Variants in FBXW4 observed in about 807,000 individuals in gnomAD.
FBXW4 encodes F-box and WD repeat domain containing 4, also known as F-box/WD repeat-containing protein 4.
FBXW4 carries 40 observed loss-of-function variants against 61.8 expected under a neutral mutation model. The ratio of observed to expected loss-of-function variants is 0.65; its 90% CI spans 0.50 to 0.84. The LOEUF (loss-of-function observed/expected upper bound fraction) is 0.84. FBXW4 is among the 40% of genes least tolerant of loss of function. The pLI, the probability that FBXW4 is intolerant of heterozygous loss-of-function variation, is 0.00. For missense variants in FBXW4, 672 were observed against 753.8 expected (o/e 0.89, Z 1.27); for synonymous variants, 311 against 313.8 (o/e 0.99, Z 0.10).
Position 101,690,354 on chromosome 10 carries a change from G to A in FBXW4, c.725+4027C>T, listed in dbSNP as rs199537021. Among the ~76,000 whole-genome samples, 8 of 151,968 alleles carry A rather than the reference G, an allele frequency of 5.3e-5. No individual in the cohort carries two copies. The East Asian group carries it at 1.5e-3, about 29-fold the overall frequency. On this transcript the variant is annotated intron_variant, in intron 1 of 8. Coordinates refer to ENST00000331272, the MANE Select transcript of FBXW4 (RefSeq NM_022039.4). Reference sequence around the variant, plus strand: ...AGACTGCTATATGAAACATTTCTTTGATTTTTATTGTTATATTCAGGATAT... The same window carrying A: ...AGACTGCTATATGAAACATTTCTTTAATTTTTATTGTTATATTCAGGATAT...
chr10:101,657,494 TG>T (rs1431819789), intron 5 of FBXW4, among the ~76,000 whole-genome samples: 1 of 151,648 alleles, frequency 6.6e-6, no homozygotes, highest in African/African-American at 2.4e-5. Flanking sequence ...ATTAGCTGGG[TG>T]TGGTGATGCT....
chr10:101,634,563 A>G (rs971137621), intron 5 of FBXW4, among the ~76,000 whole-genome samples: 1 of 149,362 alleles, frequency 6.7e-6, no homozygotes, highest in Non-Finnish European at 1.5e-5. Context: ...AGATCAGTGG[A>G]TCAGAATAAC....
intron 2 of FBXW4, among the ~76,000 whole-genome samples, chr10:101,674,820 G>A (rs1216141334): frequency 6.6e-6 from 1 of 152,246 alleles, no homozygotes; most frequent in East Asian, 1.9e-4. Flanking sequence ...CTGTGGCAGG[G>A]AATGAGACTT....
At chr10:101,658,183 C>T (rs947250836) in intron 5 of FBXW4, among the ~76,000 whole-genome samples, 2 of 152,068 alleles carry the variant, frequency 1.3e-5, no homozygotes, top group East Asian at 1.9e-4. Flanking sequence ...CATGTACTGC[C>T]GCTTGGAAGT....
In FBXW4 at chr10:101,673,047, C is replaced by T. The variant is rs2134894324; in HGVS notation, c.1008G>A (p.Gly336=). ...TCTTATGAATGCCAATCTTCCCATC[C>T]CTAGGAGAGAAATAAGGAGCCGACC... ...LANSHIVSAG[G]DGKIGIHKIH... is the part of the protein sequence containing the mutation. Residue 336 remains glycine (G), a splice_region_variant and synonymous_variant, in exon 4 of 9, where the codon GGG becomes GGA. Coordinates refer to ENST00000331272, the MANE Select transcript of FBXW4 (RefSeq NM_022039.4). 1 of 1,613,666 alleles carries T rather than the reference C, an allele frequency of 6.2e-7. No individual in the cohort carries two copies. Among genetic ancestry groups the T allele is most frequent in the Non-Finnish European group, 8.5e-7 (1 of 1,179,914 alleles).
intron 5 of FBXW4, among the ~76,000 whole-genome samples, chr10:101,655,123 C>T (rs574152107): frequency 4.5e-4 from 68 of 152,172 alleles, no homozygotes; most frequent in Non-Finnish European, 8.5e-4. Flanking sequence ...TGCCACCATG[C>T]CTGGCCTATT....
At position 101,654,389 on chromosome 10, in the gene FBXW4, A is replaced by G. The variant is rs547217558; in HGVS notation, c.1235+13497T>C. Among the ~76,000 whole-genome samples, 7 of 152,250 alleles carry G rather than the reference A, an allele frequency of 4.6e-5. No individual in the cohort carries two copies. The East Asian group carries it at 1.3e-3, about 29-fold the overall frequency. The stretch of plus-strand genomic sequence containing the variant: ...AAATGGGTAAATTTTATGATATATA[A>G]ATTCTACTTCAATAAGGCTATTTAA... On this transcript the variant is annotated intron_variant, in intron 5 of 8. Coordinates refer to ENST00000331272, the MANE Select transcript of FBXW4 (RefSeq NM_022039.4).
intron 1 of FBXW4, among the ~76,000 whole-genome samples, chr10:101,683,560 T>C (rs2064501574): frequency 2.0e-5 from 3 of 152,210 alleles, no homozygotes; most frequent in Admixed American, 2.0e-4. Context: ...GGCAGTTATC[T>C]AGAATGACCT....
At chr10:101,635,095 A>G (rs1200062137) in intron 5 of FBXW4, among the ~76,000 whole-genome samples, 2 of 149,420 alleles carry the variant, frequency 1.3e-5, no homozygotes, top group Non-Finnish European at 3.0e-5. Flanking sequence ...CATCACTGGC[A>G]TTACCACCTT....
chr10:101,685,502 C>G (rs1313163858), intron 1 of FBXW4, among the ~76,000 whole-genome samples: 1 of 152,080 alleles, frequency 6.6e-6, no homozygotes, highest in African/African-American at 2.4e-5. Flanking sequence ...CAAAATATTG[C>G]CCATGATACA....
At chr10:101,621,461 A>G (rs934276860) in intron 6 of FBXW4, among the ~76,000 whole-genome samples, 4 of 152,146 alleles carry the variant, frequency 2.6e-5, no homozygotes, top group African/African-American at 4.8e-5. Context: ...CCAGGAGTTC[A>G]AGGCTGCGGT....
In FBXW4 at chr10:101,656,737, A is replaced by G. The variant is rs189594486; in HGVS notation, c.1235+11149T>C. Among the ~76,000 whole-genome samples the G allele has an allele frequency of 3.0e-3, 461 of 152,284 alleles. 5 individuals carry two copies. Among genetic ancestry groups the G allele is most frequent in the African/African-American group, 0.011 (448 of 41,562 alleles). On this transcript the variant is annotated intron_variant, in intron 5 of 8. Transcript: ENST00000331272. ...CAGGGCAAGCTAAGCAGGCCCAGAG[A>G]CGAGCCTAAACACAAGTACATGGAA...
intron 1 of FBXW4, among the ~76,000 whole-genome samples, chr10:101,685,083 C>G: frequency 6.6e-6 from 1 of 152,172 alleles, no homozygotes. Context: ...TTCATATACC[C>G]ACACTTTCAC....
chr10:101,653,028 C>A (rs745513230), intron 5 of FBXW4, among the ~76,000 whole-genome samples: 5 of 152,340 alleles, frequency 3.3e-5, no homozygotes, highest in Middle Eastern at 3.4e-3. Flanking sequence ...GGCAACCATT[C>A]CTGGGCTGTC....
intron 5 of FBXW4, among the ~76,000 whole-genome samples, chr10:101,648,366 T>C (rs1366828572): frequency 6.6e-6 from 1 of 152,190 alleles, no homozygotes; most frequent in Non-Finnish European, 1.5e-5. Flanking sequence ...CACAAAACAG[T>C]ATCTTTTCTC....
At position 101,611,597 on chromosome 10, in the gene FBXW4, A is replaced by G; in HGVS notation, c.1584+31T>C. The G allele has an allele frequency of 6.2e-7, 1 of 1,612,162 alleles. No individual in the cohort carries two copies. The highest frequency in any genetic ancestry group is 8.5e-7 in the Non-Finnish European group (1 of 1,178,632). ...GCAGCCCATAATCATGAGTCCTGGC[A>G]TGCTGGAGAAGAGGTGGGCAGGACA... On this transcript the variant is annotated intron_variant, in intron 8 of 8. Transcript: ENST00000331272. The surrounding 1 kb of genome is among the most constrained non-coding windows in gnomAD (Gnocchi z 4.9).
chr10:101,693,207 T>A (rs12240593), intron 1 of FBXW4, among the ~76,000 whole-genome samples: 4,017 of 152,346 alleles, frequency 0.026, 180 homozygotes, highest in African/African-American at 0.088. Flanking sequence ...CCCACTATAA[T>A]TTGGTACAGC....
chr10:101,653,966 C>T (rs1016037352), intron 5 of FBXW4, among the ~76,000 whole-genome samples: 1 of 151,730 alleles, frequency 6.6e-6, no homozygotes, highest in African/African-American at 2.4e-5. Flanking sequence ...ACTAAAAATG[C>T]AAAAATTAGC....
At chr10:101,655,029 T>G (rs2064174420) in intron 5 of FBXW4, among the ~76,000 whole-genome samples, 1 of 152,146 alleles carries the variant, frequency 6.6e-6, no homozygotes, top group Non-Finnish European at 1.5e-5. Context: ...GGGGTCTCAC[T>G]CTGTTGCCCA....
Sources: allele counts gnomAD v4.1 joint callset (sites outside exome capture counted in the v4.1 genomes callset), GRCh38; gene constraint gnomAD v4.1.1; non-coding constraint Gnocchi (gnomAD v3.1); transcripts MANE v1.5; gene names NCBI Gene and HGNC (gene_info 2026-07-23, HGNC 2026-07-21).